The following CAPZB variants were observed in gnomAD, a reference collection of about 807,000 sequenced individuals.
The protein encoded by CAPZB is capping actin protein of muscle Z-line subunit beta, also known as F-actin-capping protein subunit beta.
CAPZB carries 2 observed loss-of-function variants against 38.1 expected under a neutral mutation model. The observed-to-expected ratio is 0.05, with a 90% CI of 0.02 to 0.17. The LOEUF (loss-of-function observed/expected upper bound fraction) is 0.17, where lower values mean the gene tolerates loss of function less well. Ranked by LOEUF, CAPZB falls within the 10% of genes least tolerant of loss-of-function variation. The pLI, the probability that CAPZB is intolerant of heterozygous loss-of-function variation, is 1.00. For missense variants in CAPZB, 161 were observed against 334.2 expected (o/e 0.48, Z 4.04); for synonymous variants, 107 against 127.4 (o/e 0.84, Z 1.08).
chr1:19,373,683 T>G (rs2094130893), intron 4 of CAPZB, among the ~76,000 whole-genome samples: 1 of 151,896 alleles, frequency 6.6e-6, no homozygotes, highest in Non-Finnish European at 1.5e-5. Context: ...ATTTTTTATT[T>G]TTTAGTTTTC....
At chr1:19,432,060 AAAAAAG>A (rs1553285020) in intron 1 of CAPZB, among the ~76,000 whole-genome samples, 1 of 149,442 alleles carries the variant, frequency 6.7e-6, no homozygotes, top group Admixed American at 6.7e-5. Flanking sequence ...AAAAAAAAAA[AAAAAAG>A]AAAAAAAAAG....
intron 1 of CAPZB, chr1:19,449,399 G>C: frequency 1.1e-6 from 1 of 937,058 alleles, no homozygotes; most frequent in South Asian, 4.7e-5. Context: ...GCATCCTTAA[G>C]GTGAGGAAAG....
intron 1 of CAPZB, among the ~76,000 whole-genome samples, chr1:19,471,668 T>G (rs932943650): frequency 1.3e-4 from 20 of 151,958 alleles, no homozygotes; most frequent in Non-Finnish European, 2.6e-4. Context: ...ATCAAGACCA[T>G]CCTGGCTAAC....
intron 4 of CAPZB, among the ~76,000 whole-genome samples, chr1:19,363,279 T>TTTTTA (rs397979443): frequency 1.5e-4 from 22 of 148,618 alleles, no homozygotes; most frequent in African/African-American, 5.6e-4. Flanking sequence ...TTTTTTTTTT[T>TTTTTA]AGAGACAGGG....
chr1:19,362,039 C>G (rs1414946913), intron 4 of CAPZB, among the ~76,000 whole-genome samples: 2 of 152,172 alleles, frequency 1.3e-5, no homozygotes, highest in Non-Finnish European at 2.9e-5. Flanking sequence ...CTGCCCATGC[C>G]TGATAATTTC....
At chr1:19,450,539 C>G (rs537765523) in intron 1 of CAPZB, among the ~76,000 whole-genome samples, 1 of 152,106 alleles carries the variant, frequency 6.6e-6, no homozygotes, top group South Asian at 2.1e-4. Flanking sequence ...GCCTGTAAGA[C>G]AGCTTATGTT....
chr1:19,349,993 C>T lies in CAPZB; in HGVS notation c.589-4741G>A, dbSNP rs188006961. Among the ~76,000 whole-genome samples the T allele has an allele frequency of 4.7e-3, 712 of 152,356 alleles. 2 individuals are homozygous for T. Among genetic ancestry groups the T allele is most frequent in the African/African-American group, 0.015 (635 of 41,582 alleles). ...GTGGCTGCCGGAAGGAAAACATTTT[C>T]ATGTGTTGTGGCTGCAGATGTTCCA... On this transcript the variant is annotated intron_variant, in intron 6 of 8. Coordinates refer to ENST00000264202, the MANE Select transcript of CAPZB (RefSeq NM_004930.5).
intron 6 of CAPZB, among the ~76,000 whole-genome samples, chr1:19,353,073 C>T (rs564930079): frequency 1.4e-4 from 22 of 152,334 alleles, no homozygotes; most frequent in Non-Finnish European, 2.6e-4. Context: ...AGGGTGCGCC[C>T]GGGGCCACAC....
rs575653180 is a variant in CAPZB, at chr1:19,347,041, A to G, written c.589-1789T>C. 5.3e-5 allele frequency among the ~76,000 whole-genome samples: 8 copies of G among 150,066 alleles called. No homozygotes were observed. The East Asian group carries it at 1.6e-3, about 29-fold the overall frequency. ...TTTTTAGTAGAGACAGGGTTTTGCC[A>G]TGTTGGCCAGGCTGGTCTTGAACTT... On this transcript the variant is annotated intron_variant, in intron 6 of 8. Transcript: ENST00000264202.
rs150262426 is a variant in CAPZB, at chr1:19,381,208, C to T, written c.216-2555G>A. Among the ~76,000 whole-genome samples, 26 of 152,090 alleles carry T rather than the reference C, an allele frequency of 1.7e-4. No homozygotes were observed. The East Asian group carries it at 4.8e-3, about 28-fold the overall frequency. ...AAAAAAATGAATGAATTCTTCTTGT[C>T]CAATCACAGTTGTAAATAAATAAAA... is the stretch of plus-strand genomic sequence containing the variant. On this transcript the variant is annotated intron_variant, in intron 3 of 8. Transcript: ENST00000264202.
intron 2 of CAPZB, among the ~76,000 whole-genome samples, chr1:19,388,481 A>G (rs1343423032): frequency 5.3e-5 from 8 of 152,228 alleles, no homozygotes. Context: ...ATAAATTGGC[A>G]GGTAATAGGA....
intron 1 of CAPZB, among the ~76,000 whole-genome samples, chr1:19,443,562 G>C (rs1047850162): frequency 6.6e-6 from 1 of 152,158 alleles, no homozygotes; most frequent in South Asian, 2.1e-4. Context: ...AAACCTCCCT[G>C]AGCCAAAATT....
intron 1 of CAPZB, among the ~76,000 whole-genome samples, chr1:19,465,372 ACT>A (rs1334218748): frequency 3.3e-5 from 5 of 152,190 alleles, no homozygotes; most frequent in Admixed American, 6.5e-5. Context: ...TTTGCCAAAC[ACT>A]GAGTCTGCCA....
At chr1:19,434,508 T>C (rs2094451824) in intron 1 of CAPZB, among the ~76,000 whole-genome samples, 1 of 149,462 alleles carries the variant, frequency 6.7e-6, no homozygotes, top group South Asian at 2.1e-4. Flanking sequence ...GAGGACAGCT[T>C]GAGGCCAGGA....
intron 2 of CAPZB, among the ~76,000 whole-genome samples, chr1:19,416,134 AG>A (rs2100478221): frequency 6.6e-6 from 1 of 152,360 alleles, no homozygotes; most frequent in East Asian, 1.9e-4. Context: ...CCTGGTTCCG[AG>A]AAGGGTTTTT....
chr1:19,414,594 A>G (rs1263694185), intron 2 of CAPZB, among the ~76,000 whole-genome samples: 1 of 152,218 alleles, frequency 6.6e-6, no homozygotes, highest in Non-Finnish European at 1.5e-5. Flanking sequence ...AGTTAAACAG[A>G]TTCACGGCTA....
intron 1 of CAPZB, among the ~76,000 whole-genome samples, chr1:19,475,798 C>A (rs994709780): frequency 2.0e-5 from 3 of 152,114 alleles, no homozygotes; most frequent in Admixed American, 1.3e-4. Context: ...TATGGTTCAA[C>A]CTAATGGAGG....
intron 1 of CAPZB, among the ~76,000 whole-genome samples, chr1:19,476,598 C>G (rs551393853): frequency 6.6e-6 from 1 of 152,348 alleles, no homozygotes; most frequent in South Asian, 2.1e-4. Context: ...TGCTGCCACT[C>G]ACGTCACAGG....
intron 2 of CAPZB, among the ~76,000 whole-genome samples, chr1:19,395,753 G>C (rs2094263756): frequency 6.6e-6 from 1 of 152,196 alleles, no homozygotes; most frequent in Admixed American, 6.5e-5. Flanking sequence ...GTCTCTCTAA[G>C]CTCCCGGCTG....
Sources: gnomAD v4.1 joint callset for allele counts (sites outside exome capture counted in the v4.1 genomes callset) on GRCh38, gnomAD v4.1.1 for gene constraint, MANE v1.5 for transcripts, NCBI Gene and HGNC (gene_info 2026-07-23, HGNC 2026-07-21) for gene names.